The following SLC9A9 variants were observed in gnomAD, a reference collection of about 807,000 sequenced individuals.
SLC9A9 encodes sodium/hydrogen exchanger 9.
SLC9A9 carries 62 observed loss-of-function variants against 77.8 expected under a neutral mutation model. The observed-to-expected ratio is 0.80, with a 90% CI of 0.65 to 0.98. The LOEUF is 0.98. Among genes scored for constraint, SLC9A9 ranks in the 50% least tolerant of loss-of-function variants. The pLI is 0.00. For missense variants in SLC9A9, 775 were observed against 774.9 expected (o/e 1.00, Z 0.00); for synonymous variants, 320 against 283.5 (o/e 1.13, Z -1.29).
At chr3:143,395,593 C>T (rs2033707295) in intron 12 of SLC9A9, among the ~76,000 whole-genome samples, 1 of 152,160 alleles carries the variant, frequency 6.6e-6, no homozygotes, top group African/African-American at 2.4e-5. Flanking sequence ...CCAAAATAGA[C>T]AAATGGGATC....
chr3:143,314,760 A>G (rs1456295467), intron 14 of SLC9A9, among the ~76,000 whole-genome samples: 2 of 152,162 alleles, frequency 1.3e-5, no homozygotes, highest in African/African-American at 4.8e-5. Context: ...CCCCAGGCAA[A>G]TGCCCTGGCA....
intron 12 of SLC9A9, among the ~76,000 whole-genome samples, chr3:143,402,651 C>T (rs889645789): frequency 6.6e-6 from 1 of 151,716 alleles, no homozygotes; most frequent in Admixed American, 6.6e-5. Context: ...GTCTATTTGT[C>T]TGATATTAGT....
intron 13 of SLC9A9, among the ~76,000 whole-genome samples, chr3:143,372,325 T>C (rs1283777223): frequency 6.6e-6 from 1 of 152,132 alleles, no homozygotes; most frequent in African/African-American, 2.4e-5. Flanking sequence ...CTACCAAGGC[T>C]ACAGTTACCA....
intron 9 of SLC9A9, among the ~76,000 whole-genome samples, chr3:143,509,260 A>C (rs2036076099): frequency 1.3e-5 from 2 of 152,198 alleles, no homozygotes. Context: ...AGAATAGACT[A>C]TCAGATAATT....
intron 4 of SLC9A9, among the ~76,000 whole-genome samples, chr3:143,769,278 G>A (rs1001744640): frequency 7.2e-5 from 11 of 151,890 alleles, no homozygotes; most frequent in African/African-American, 2.2e-4. Context: ...ATCTAAACTC[G>A]CCTGGGACCC....
chr3:143,556,015 C>A (rs1559966128), intron 8 of SLC9A9, among the ~76,000 whole-genome samples: 2 of 152,310 alleles, frequency 1.3e-5, no homozygotes, highest in East Asian at 1.9e-4. Context: ...ATTAGTATGA[C>A]TTTTACAAGC....
intron 5 of SLC9A9, among the ~76,000 whole-genome samples, chr3:143,668,574 G>T (rs1448565920): frequency 6.6e-6 from 1 of 152,114 alleles, no homozygotes; most frequent in Non-Finnish European, 1.5e-5. Context: ...TTTTTGAATA[G>T]AACTTTTTGG....
intron 5 of SLC9A9, among the ~76,000 whole-genome samples, chr3:143,660,093 T>C (rs1374590927): frequency 1.3e-5 from 2 of 152,238 alleles, no homozygotes; most frequent in Non-Finnish European, 2.9e-5. Context: ...CCTTTAAACA[T>C]TAGCTGGTCT....
At chr3:143,328,791 C>T (rs16853431) in intron 14 of SLC9A9, among the ~76,000 whole-genome samples, 46,628 of 152,056 alleles carry the variant, frequency 0.31, 8,190 homozygotes, top group African/African-American at 0.48. Flanking sequence ...CCCTAATATT[C>T]GCTTCGTTAT....
chr3:143,319,049 C>T (rs1056407201), intron 14 of SLC9A9, among the ~76,000 whole-genome samples: 1 of 152,210 alleles, frequency 6.6e-6, no homozygotes, highest in Non-Finnish European at 1.5e-5. Context: ...AACAAACCAA[C>T]TACTATGTAA....
chr3:143,700,996 A>G (rs1412117737), intron 4 of SLC9A9, among the ~76,000 whole-genome samples: 1 of 152,248 alleles, frequency 6.6e-6, no homozygotes, highest in Non-Finnish European at 1.5e-5. Context: ...AATGGAAGAG[A>G]ACAAGAGTCA....
At chr3:143,465,368 G>A (rs59026032) in intron 12 of SLC9A9, among the ~76,000 whole-genome samples, 40 of 152,344 alleles carry the variant, frequency 2.6e-4, no homozygotes, top group African/African-American at 8.7e-4. Context: ...GGCTGCATAA[G>A]TTATGACACC....
At chr3:143,765,230 G>C in intron 4 of SLC9A9, among the ~76,000 whole-genome samples, 1 of 146,940 alleles carries the variant, frequency 6.8e-6, no homozygotes, top group East Asian at 2.0e-4. Flanking sequence ...TTCTTGACAG[G>C]GTTTCCCTAC....
At chr3:143,442,581 T>C (rs1344860480) in intron 12 of SLC9A9, among the ~76,000 whole-genome samples, 1 of 151,812 alleles carries the variant, frequency 6.6e-6, no homozygotes, top group Non-Finnish European at 1.5e-5. Flanking sequence ...ATTAGCCCAG[T>C]GTGGTAGTGG....
chr3:143,610,683 C>T (rs776987773), intron 6 of SLC9A9, among the ~76,000 whole-genome samples: 2 of 152,148 alleles, frequency 1.3e-5, no homozygotes, highest in African/African-American at 2.4e-5. Context: ...ATCCATAGAA[C>T]GAACTGTGAG....
intron 6 of SLC9A9, among the ~76,000 whole-genome samples, chr3:143,613,328 G>A (rs1299614648): frequency 6.6e-6 from 1 of 152,162 alleles, no homozygotes; most frequent in Non-Finnish European, 1.5e-5. Flanking sequence ...AACTATAGAT[G>A]TTAGCTTACT....
At chr3:143,608,951 T>C (rs942078990) in intron 6 of SLC9A9, among the ~76,000 whole-genome samples, 1 of 152,244 alleles carries the variant, frequency 6.6e-6, no homozygotes, top group East Asian at 1.9e-4. Context: ...TGAATTATTT[T>C]AAAACTTTTA....
chr3:143,759,232 G>A (rs777358440), intron 4 of SLC9A9, among the ~76,000 whole-genome samples: 2 of 152,006 alleles, frequency 1.3e-5, no homozygotes, highest in Admixed American at 6.6e-5. Context: ...GAGCTACCAT[G>A]ACATCCCCAA....
Position 143,848,281 on chromosome 3 carries a change from A to C in SLC9A9, c.42T>G (p.Tyr14Ter). The C allele has an allele frequency of 2.5e-6, 4 of 1,613,976 alleles. No homozygotes were observed. Among genetic ancestry groups the C allele is most frequent in the African/African-American group, 1.3e-5 (1 of 75,014 alleles). Residue 14 changes from tyrosine to a stop codon, truncating the protein, a stop_gained, in exon 1 of 16, where the codon TAT (tyrosine) becomes TAG (stop). Coordinates refer to ENST00000316549, the MANE Select transcript of SLC9A9 (RefSeq NM_173653.4). LOFTEE classifies it high-confidence loss of function. ...CCACCGCTCCCTGATGTTGAAACTGATACTCATCCTTTTCTGACATAACCC... is the reference window on the plus strand; with the variant it reads ...CCACCGCTCCCTGATGTTGAAACTGCTACTCATCCTTTTCTGACATAACCC... ...QSRVMSEKDE[Y>*]QFQHQGAVEL...
Sources: gnomAD v4.1 joint callset for allele counts (sites outside exome capture counted in the v4.1 genomes callset) on GRCh38, gnomAD v4.1.1 for gene constraint, MANE v1.5 for transcripts, NCBI Gene and HGNC (gene_info 2026-07-23, HGNC 2026-07-21) for gene names.